The following ATXN7 variants were observed in gnomAD, a reference collection of about 807,000 sequenced individuals.
ATXN7 encodes ataxin-7.
In ATXN7, 12 loss-of-function variants were observed where a neutral mutation model predicts 70.5. The observed-to-expected ratio is 0.17, with a 90% CI of 0.11 to 0.28. ATXN7 has a LOEUF of 0.28. Among genes scored for constraint, ATXN7 ranks in the 10% least tolerant of loss-of-function variants. The probability of loss-of-function intolerance (pLI) is 1.00; values close to 1 mark genes in which losing one functional copy is unlikely to be tolerated. For synonymous variants in ATXN7, 498 were observed against 448.7 expected, an observed-to-expected ratio of 1.11 and a Z score of -1.39; for missense variants, 1,256 against 1,131.7, an observed-to-expected ratio of 1.11 and a Z score of -1.58.
rs575592775 is a variant in ATXN7 at position 63,990,587 on chromosome 3, C to G, written c.1561-151C>G. On this transcript the variant is annotated intron_variant, in intron 10 of 12. Coordinates refer to ENST00000674280, the MANE Select transcript of ATXN7 (RefSeq NM_001377405.1). ...CCTTTCTCTTCCATGACGCTCAGGG[C>G]TAGGCATTGTCACTCTCATGCTTCA... 29 of 1,309,860 alleles carry G rather than the reference C, an allele frequency of 2.2e-5. No individual in the cohort carries two copies. The Admixed American group carries it at 3.8e-4, about 17-fold the overall frequency. 81.1% of individuals were successfully genotyped at this position (1,309,860 alleles called of 1,614,324 possible). A position where few individuals can be genotyped will look rare whatever the true frequency, so the allele number is the denominator to read the frequency against.
intron 2 of ATXN7, among the ~76,000 whole-genome samples, chr3:63,907,776 T>C (rs1703892054): frequency 6.6e-6 from 1 of 152,264 alleles, no homozygotes; most frequent in Non-Finnish European, 1.5e-5. Context: ...CTTGAAACTT[T>C]CTATTTGTAA....
chr3:63,920,421 G>A (rs1234469414), intron 4 of ATXN7, among the ~76,000 whole-genome samples: 1 of 152,144 alleles, frequency 6.6e-6, no homozygotes, highest in Non-Finnish European at 1.5e-5. Flanking sequence ...CATGTAAGAG[G>A]CCCTGTAACC....
intron 4 of ATXN7, among the ~76,000 whole-genome samples, chr3:63,917,463 AAACTT>A (rs1218990483): frequency 1.3e-5 from 2 of 152,214 alleles, no homozygotes; most frequent in African/African-American, 4.8e-5. Context: ...TAAAAAATAA[AAACTT>A]TAAATGCCTT....
chr3:63,958,901 C>G (rs2075078467), intron 5 of ATXN7, among the ~76,000 whole-genome samples: 1 of 152,064 alleles, frequency 6.6e-6, no homozygotes, highest in Non-Finnish European at 1.5e-5. Flanking sequence ...ATTTATTTTG[C>G]ATGATAAGGA....
At position 64,000,222 on chromosome 3, in the gene ATXN7, T is replaced by A. The variant is rs549130161; in HGVS notation, c.*755T>A. The A allele has an allele frequency of 5.0e-4, 75 of 150,020 alleles. No individual in the cohort carries two copies. Among genetic ancestry groups the A allele is most frequent in the African/African-American group, 1.7e-3 (70 of 40,336 alleles). The allele number at this position is 150,020 out of a possible 1,614,324, so 9.3% of individuals were successfully genotyped here. The stretch of plus-strand genomic sequence containing the variant: ...ATACAAAAGCAATTCTGTGTGATTT[T>A]TTTTTTTAAGAAGAAAGAAAATGCA... On this transcript the variant is annotated 3_prime_UTR_variant, in exon 13 of 13. Transcript: ENST00000674280.
rs566419232 is a variant in ATXN7, at chr3:63,936,934, T to C, written c.395-15445T>C. Among the ~76,000 whole-genome samples the C allele has an allele frequency of 6.9e-4, 105 of 152,322 alleles. No homozygotes were observed. The East Asian group carries it at 6.9e-3, about 10-fold the overall frequency. ...CTTATAGTAAAGAATGAAAATATTATCATTTTCAAATGACCACAATCTAAT... is the reference window on the plus strand; with the variant it reads ...CTTATAGTAAAGAATGAAAATATTACCATTTTCAAATGACCACAATCTAAT... On this transcript the variant is annotated intron_variant, in intron 4 of 12. Transcript: ENST00000674280.
chr3:63,919,693 G>A (rs1171846588), intron 4 of ATXN7, among the ~76,000 whole-genome samples: 1 of 150,768 alleles, frequency 6.6e-6, no homozygotes, highest in Admixed American at 6.6e-5. Flanking sequence ...TTGGTGTGCT[G>A]CACCCATTAA....
chr3:63,882,695 T>G (rs1702951793), intron 1 of ATXN7, among the ~76,000 whole-genome samples: 1 of 152,168 alleles, frequency 6.6e-6, no homozygotes, highest in East Asian at 1.9e-4. Context: ...CTCTGGCCTC[T>G]TAAATGAATA....
Position 63,980,092 on chromosome 3 carries a change from A to G in ATXN7, c.677A>G (p.Lys226Arg). The G allele has an allele frequency of 1.2e-6, 2 of 1,614,136 alleles. No individual in the cohort carries two copies. Among genetic ancestry groups the G allele is most frequent in the Non-Finnish European group, 1.7e-6 (2 of 1,180,020 alleles). ...SSSSKLLKSP[K>R]EKLQLRGNTR... ...AGTTCCAAGTTGTTGAAATCACCCA[A>G]AGAGAAACTGCAGCTCAGGGGGAAC... is the stretch of plus-strand genomic sequence containing the variant. Residue 226 changes from lysine (K) to arginine (R), a missense_variant, in exon 6 of 13, where the codon AAA becomes AGA. Coordinates refer to ENST00000674280, the MANE Select transcript of ATXN7 (RefSeq NM_001377405.1).
intron 4 of ATXN7, among the ~76,000 whole-genome samples, chr3:63,919,039 AAG>A (rs55977863): frequency 0.24 from 36,528 of 151,938 alleles, 5,373 homozygotes; most frequent in African/African-American, 0.41. Flanking sequence ...GAGACCCAGA[AAG>A]ACCCTCCTGT....
At chr3:63,863,718 G>C, upstream of ATXN7, 1 of 1,249,148 alleles carries the variant, frequency 8.0e-7, no homozygotes, top group Non-Finnish European at 1.0e-6. Flanking sequence ...GGGGTCTCAG[G>C]GGAGGCCCAG....
At chr3:63,998,474 C>A (rs1011609136) in intron 12 of ATXN7, 2 of 985,124 alleles carry the variant, frequency 2.0e-6, no homozygotes, top group Non-Finnish European at 2.4e-6. Context: ...ATTTTGCCAC[C>A]TTTGATTTTT....
chr3:63,978,600 A>G (rs2075431560), intron 5 of ATXN7, among the ~76,000 whole-genome samples: 4 of 152,250 alleles, frequency 2.6e-5, no homozygotes, highest in Admixed American at 2.6e-4. Flanking sequence ...CACAGCTTTC[A>G]TTTTGGGGTG....
chr3:63,947,267 C>G (rs1023201771), intron 4 of ATXN7, among the ~76,000 whole-genome samples: 1 of 152,068 alleles, frequency 6.6e-6, no homozygotes, highest in East Asian at 1.9e-4. Context: ...GAAGTAGGTA[C>G]TATGGTCATC....
At chr3:63,980,474 C>T (rs1168443555) in intron 6 of ATXN7, 1 of 291,420 alleles carries the variant, frequency 3.4e-6, no homozygotes, top group African/African-American at 2.1e-5. Flanking sequence ...GGTACTGTTA[C>T]TATCCTCGTT....
chr3:63,990,483 C>A, intron 10 of ATXN7, 109 bp downstream of exon 10: 1 of 1,388,694 alleles, frequency 7.2e-7, no homozygotes, highest in Non-Finnish European at 1.0e-6. Context: ...GGGACGCGGT[C>A]AAGGTGTGAG....
chr3:63,942,170 T>C (rs193198663), intron 4 of ATXN7, among the ~76,000 whole-genome samples: 1 of 152,292 alleles, frequency 6.6e-6, no homozygotes, highest in East Asian at 1.9e-4. Flanking sequence ...AGCAGGGATT[T>C]CCTGGGAGAG....
In ATXN7 at chr3:63,885,154, G is replaced by A. The variant is rs535804361; in HGVS notation, c.-110-13245G>A. 1.6e-4 allele frequency among the ~76,000 whole-genome samples: 25 copies of A among 152,092 alleles called. No individual in the cohort carries two copies. In the South Asian group the frequency reaches 5.2e-3, roughly 32 times the overall value. On this transcript the variant is annotated intron_variant, in intron 1 of 12. Coordinates refer to ENST00000674280, the MANE Select transcript of ATXN7 (RefSeq NM_001377405.1). The stretch of plus-strand genomic sequence containing the variant: ...CTAAAACAGCTTCTGTATAACAAAG[G>A]AAATAGTCAACAGAGTGAAAAGACA...
chr3:63,940,713 A>G (rs1320513698), intron 4 of ATXN7, among the ~76,000 whole-genome samples: 2 of 152,194 alleles, frequency 1.3e-5, no homozygotes, highest in Admixed American at 1.3e-4. Flanking sequence ...TTTCAAATGT[A>G]GAAACTGTAT....
Sources: allele counts gnomAD v4.1 joint callset (sites outside exome capture counted in the v4.1 genomes callset), GRCh38; gene constraint gnomAD v4.1.1; transcripts MANE v1.5; gene names NCBI Gene and HGNC (gene_info 2026-07-23, HGNC 2026-07-21).